GHR: variants seen among roughly 807,000 people sequenced by gnomAD.
The protein encoded by GHR is growth hormone receptor, also known as GH receptor.
In GHR, 35 loss-of-function variants were observed where a neutral mutation model predicts 67.1. The ratio of observed to expected loss-of-function variants is 0.52; its 90% CI spans 0.40 to 0.69. The LOEUF (loss-of-function observed/expected upper bound fraction) is 0.69. GHR is among the 30% of genes least tolerant of loss of function. GHR has a pLI of 0.00. For synonymous variants in GHR, 272 were observed against 269.1 expected, an observed-to-expected ratio of 1.01 and a Z score of -0.10; for missense variants, 792 against 764.6, an observed-to-expected ratio of 1.04 and a Z score of -0.42.
intron 1 of GHR, chr5:42,466,863 G>A: frequency 2.8e-6 from 4 of 1,433,138 alleles, no homozygotes; most frequent in Admixed American, 4.9e-5. Context: ...GACCAATGCT[G>A]GAAGTCTTCC....
At chr5:42,467,777 A>C in intron 1 of GHR, 1 of 1,521,328 alleles carries the variant, frequency 6.6e-7, no homozygotes. Flanking sequence ...CTCTGACTAA[A>C]TCCTTTCCCA....
rs77319034 is a variant in GHR, at chr5:42,640,985, A to G, written c.136+11882A>G. ...AAATTACCAGTGCCAGTCCCATGGC[A>G]CCAAGACAGGAAAGGCAGGCACTCA... On this transcript the variant is annotated intron_variant, in intron 3 of 9. Coordinates refer to ENST00000230882, the MANE Select transcript of GHR (RefSeq NM_000163.5). Among the ~76,000 whole-genome samples the G allele has an allele frequency of 6.3e-3, 953 of 152,260 alleles. 12 individuals carry two copies. The highest frequency in any genetic ancestry group is 0.022 in the African/African-American group (919 of 41,532).
chr5:42,533,443 T>C (rs1748069032), intron 1 of GHR, among the ~76,000 whole-genome samples: 1 of 152,024 alleles, frequency 6.6e-6, no homozygotes, highest in African/African-American at 2.4e-5. Flanking sequence ...TGGCATCTTT[T>C]AACACACGTG....
At chr5:42,710,032 GA>G (rs1422952482) in intron 6 of GHR, among the ~76,000 whole-genome samples, 4 of 150,930 alleles carry the variant, frequency 2.7e-5, no homozygotes, top group African/African-American at 9.8e-5. Flanking sequence ...CTTTGAGGAT[GA>G]AAACATAGGC....
chr5:42,426,838 A>G (rs1213025860), intron 1 of GHR, among the ~76,000 whole-genome samples: 1 of 152,238 alleles, frequency 6.6e-6, no homozygotes, highest in African/African-American at 2.4e-5. Context: ...GATGATAATT[A>G]CTTTAGAGGT....
At chr5:42,575,151 G>A (rs1750582757) in intron 2 of GHR, among the ~76,000 whole-genome samples, 1 of 152,128 alleles carries the variant, frequency 6.6e-6, no homozygotes, top group African/African-American at 2.4e-5. Flanking sequence ...AACTCGCTGG[G>A]AGGAGAAGCT....
At chr5:42,687,278 C>A (rs1241927656) in intron 3 of GHR, among the ~76,000 whole-genome samples, 1 of 152,184 alleles carries the variant, frequency 6.6e-6, no homozygotes, top group African/African-American at 2.4e-5. Context: ...CTATCCCCAT[C>A]AAACTACCAT....
At chr5:42,450,700 C>G (rs999435153) in intron 1 of GHR, among the ~76,000 whole-genome samples, 1 of 151,830 alleles carries the variant, frequency 6.6e-6, no homozygotes, top group Non-Finnish European at 1.5e-5. Flanking sequence ...TCTTGTTTCC[C>G]TAGTTCCTTG....
At chr5:42,560,736 C>T (rs1749560271) in intron 1 of GHR, among the ~76,000 whole-genome samples, 1 of 152,122 alleles carries the variant, frequency 6.6e-6, no homozygotes, top group Admixed American at 6.5e-5. Context: ...AGTCCTATGA[C>T]CTTCTCCTCC....
chr5:42,638,650 C>T (rs73087468), intron 3 of GHR, among the ~76,000 whole-genome samples: 16,611 of 152,108 alleles, frequency 0.11, 1,070 homozygotes, highest in Middle Eastern at 0.19. Context: ...TCGTATGGGA[C>T]GACTATCATA....
chr5:42,660,726 A>C (rs1056413293), intron 3 of GHR, among the ~76,000 whole-genome samples: 4 of 152,250 alleles, frequency 2.6e-5, no homozygotes, highest in Non-Finnish European at 5.9e-5. Flanking sequence ...AAAGGAACGC[A>C]GTTCCTCACC....
intron 1 of GHR, among the ~76,000 whole-genome samples, chr5:42,474,108 G>A (rs1164249648): frequency 1.3e-5 from 2 of 151,460 alleles, no homozygotes; most frequent in African/African-American, 4.9e-5. Context: ...AGAATCGCTT[G>A]AACCGAGGAG....
In GHR at chr5:42,425,057, G is replaced by T. The variant is rs1263673274; in HGVS notation, c.-12+1102G>T. ...GAGAAAGGTAACGGAAGGCCAAAGT[G>T]TTGGGAAGTCAGAGTAGTTTCTGCA... On this transcript the variant is annotated intron_variant, in intron 1 of 9. Transcript: ENST00000230882. The T allele has an allele frequency of 3.1e-6, 3 of 976,190 alleles. No homozygotes were observed. In the African/African-American group the frequency reaches 5.3e-5, roughly 17 times the overall value. The allele number at this position is 976,190 out of a possible 1,614,324, so 60.5% of individuals were successfully genotyped here. A position where few individuals can be genotyped will look rare whatever the true frequency, so the allele number is the denominator to read the frequency against.
chr5:42,589,340 T>A (rs1751657812), intron 2 of GHR, among the ~76,000 whole-genome samples: 1 of 152,248 alleles, frequency 6.6e-6, no homozygotes, highest in South Asian at 2.1e-4. Flanking sequence ...TTTGAAAATA[T>A]GCCCTATTGT....
chr5:42,596,104 A>G (rs964332137), intron 2 of GHR, among the ~76,000 whole-genome samples: 5 of 152,242 alleles, frequency 3.3e-5, no homozygotes, highest in African/African-American at 1.2e-4. Flanking sequence ...GAGAGTACGA[A>G]GAAGAATCTG....
At chr5:42,618,020 A>G (rs1561171802) in intron 2 of GHR, among the ~76,000 whole-genome samples, 1 of 152,112 alleles carries the variant, frequency 6.6e-6, no homozygotes, top group Non-Finnish European at 1.5e-5. Context: ...AGTTAGATTT[A>G]GATTTAAAGT....
chr5:42,668,010 T>C (rs1024769720), intron 3 of GHR, among the ~76,000 whole-genome samples: 1 of 151,084 alleles, frequency 6.6e-6, no homozygotes, highest in Admixed American at 6.5e-5. Context: ...ACGTGAGTTA[T>C]TTCCTCTACT....
intron 1 of GHR, among the ~76,000 whole-genome samples, chr5:42,556,694 T>A (rs565122345): frequency 6.6e-6 from 1 of 152,282 alleles, no homozygotes; most frequent in South Asian, 2.1e-4. Flanking sequence ...CACATCTGCA[T>A]TGTGAATCCG....
chr5:42,608,730 A>T (rs1561164414), intron 2 of GHR, among the ~76,000 whole-genome samples: 2 of 152,184 alleles, frequency 1.3e-5, no homozygotes, highest in Non-Finnish European at 2.9e-5. Context: ...TTTTATGTAA[A>T]GAAAGTGAGA....
Sources: gnomAD v4.1 joint callset for allele counts (sites outside exome capture counted in the v4.1 genomes callset) on GRCh38, gnomAD v4.1.1 for gene constraint, MANE v1.5 for transcripts, NCBI Gene and HGNC (gene_info 2026-07-23, HGNC 2026-07-21) for gene names.